PTPRT: variants seen among roughly 807,000 people sequenced by gnomAD.
PTPRT encodes the protein protein tyrosine phosphatase receptor type T.
PTPRT carries 56 observed loss-of-function variants against 176.8 expected under a neutral mutation model. That is an observed-to-expected ratio of 0.32 (90% CI 0.26 to 0.40). The LOEUF (loss-of-function observed/expected upper bound fraction) is 0.40, where lower values mean the gene tolerates loss of function less well. Among genes scored for constraint, PTPRT ranks in the 10% least tolerant of loss-of-function variants. The pLI is 1.00. For missense variants in PTPRT, 1,540 were observed against 1,908.2 expected (o/e 0.81, Z 3.60); for synonymous variants, 783 against 739.0 (o/e 1.06, Z -0.96).
intron 13 of PTPRT, among the ~76,000 whole-genome samples, chr20:42,272,752 G>A (rs774466001): frequency 3.3e-5 from 5 of 152,108 alleles, no homozygotes; most frequent in South Asian, 2.1e-4. Context: ...CACACATACA[G>A]TGGGGCTACA....
rs184410623 is a variant in PTPRT, at chr20:42,857,555, T to G, written c.214+28252A>C. ...TCTGCGGAGTTGCCAGATTCTTGAC[T>G]ATTTCCCCACCCTCAGCTCATAACT... On this transcript the variant is annotated intron_variant, in intron 2 of 30. Transcript: ENST00000373187. Among the ~76,000 whole-genome samples the G allele has an allele frequency of 7.2e-5, 11 of 152,332 alleles. No homozygotes were observed. The East Asian group carries it at 1.9e-3, about 27-fold the overall frequency.
intron 1 of PTPRT, among the ~76,000 whole-genome samples, chr20:43,115,942 T>A (rs1600723776): frequency 6.6e-6 from 1 of 152,182 alleles, no homozygotes. Flanking sequence ...TGTCCTCAAA[T>A]AAACCTCGCA....
chr20:43,078,123 CTG>C (rs1354423901), intron 1 of PTPRT, among the ~76,000 whole-genome samples: 1 of 152,232 alleles, frequency 6.6e-6, no homozygotes, highest in African/African-American at 2.4e-5. Flanking sequence ...ATAGCAGAAA[CTG>C]TGTCTATTGC....
intron 9 of PTPRT, among the ~76,000 whole-genome samples, chr20:42,387,792 CTT>C (rs773081937): frequency 2.9e-4 from 39 of 135,788 alleles, no homozygotes; most frequent in East Asian, 1.3e-3. Context: ...TGCTAATATT[CTT>C]TTTTTTTTTT....
At position 42,349,206 on chromosome 20, in the gene PTPRT, G is replaced by T. The variant is rs11697913; in HGVS notation, c.1865+1422C>A. On this transcript the variant is annotated intron_variant, in intron 11 of 30. Transcript: ENST00000373187. ...GGCTGCATGCATCTCTCTAGTAGCT[G>T]CCCATGTCCTTCAAACAGGCCTGAG... is the stretch of plus-strand genomic sequence containing the variant. Among the ~76,000 whole-genome samples, 336 of 152,236 alleles carry T rather than the reference G, an allele frequency of 2.2e-3. 1 individual carries two copies. Among genetic ancestry groups the T allele is most frequent in the African/African-American group, 7.7e-3 (322 of 41,560 alleles).
chr20:42,079,819 T>A lies in PTPRT; in HGVS notation c.*1060A>T, dbSNP rs984791303. 4.3e-6 allele frequency: 1 copy of A among 230,324 alleles called. No homozygotes were observed. Among genetic ancestry groups the A allele is most frequent in the Non-Finnish European group, 8.6e-6 (1 of 116,254 alleles). The allele number at this position is 230,324 out of a possible 1,614,324, so 14.3% of individuals were successfully genotyped here. On this transcript the variant is annotated 3_prime_UTR_variant, in exon 31 of 31. Transcript: ENST00000373187. Reference sequence around the variant, plus strand: ...ATCTTCAGGCTCACCCATCTCTCCTTGCTCAGTGGCATGCTGTCCCAGGGT... The same window carrying A: ...ATCTTCAGGCTCACCCATCTCTCCTAGCTCAGTGGCATGCTGTCCCAGGGT...
At chr20:42,523,902 C>G (rs1040459291) in intron 7 of PTPRT, among the ~76,000 whole-genome samples, 1 of 152,104 alleles carries the variant, frequency 6.6e-6, no homozygotes, top group Non-Finnish European at 1.5e-5. Context: ...AGGAGGATCA[C>G]TTGAGCTCAG....
intron 1 of PTPRT, among the ~76,000 whole-genome samples, chr20:43,051,795 C>A (rs574286706): frequency 6.6e-6 from 1 of 151,726 alleles, no homozygotes; most frequent in East Asian, 1.9e-4. Context: ...ACAACTAAAC[C>A]GTTAAAGGAA....
intron 9 of PTPRT, among the ~76,000 whole-genome samples, chr20:42,405,275 G>A (rs2058950206): frequency 6.6e-6 from 1 of 150,738 alleles, no homozygotes; most frequent in Non-Finnish European, 1.5e-5. Flanking sequence ...CATGTGCCAT[G>A]TTGGTGTGCT....
intron 7 of PTPRT, among the ~76,000 whole-genome samples, chr20:42,566,242 C>T (rs1379415442): frequency 1.3e-5 from 2 of 151,236 alleles, no homozygotes; most frequent in African/African-American, 2.4e-5. Flanking sequence ...CTGAAGTGAT[C>T]CTACCACCTC....
chr20:42,336,915 A>G (rs533812025), intron 11 of PTPRT, among the ~76,000 whole-genome samples: 85 of 152,290 alleles, frequency 5.6e-4, no homozygotes, highest in African/African-American at 1.6e-3. Flanking sequence ...GGATGTCTAA[A>G]GAGAGGAGGA....
At chr20:42,651,708 T>C (rs990664500) in intron 7 of PTPRT, among the ~76,000 whole-genome samples, 1 of 152,124 alleles carries the variant, frequency 6.6e-6, no homozygotes, top group Non-Finnish European at 1.5e-5. Context: ...TCTGTGACCA[T>C]GGACAAGTGA....
chr20:42,316,939 C>A (rs1399246111), intron 11 of PTPRT, among the ~76,000 whole-genome samples: 1 of 152,176 alleles, frequency 6.6e-6, no homozygotes, highest in Non-Finnish European at 1.5e-5. Flanking sequence ...TTTCCAATAT[C>A]ATGAGATGGG....
At position 43,160,161 on chromosome 20, in the gene PTPRT, G is replaced by A. The variant is rs866260539; in HGVS notation, c.88+29485C>T. On this transcript the variant is annotated intron_variant, in intron 1 of 30. Transcript: ENST00000373187. ...AGCAAGAAGCCACCAGAATACCAAC[G>A]AGCAGGGAGGTCTCCATGCCAGGAA... Among the ~76,000 whole-genome samples, 9 of 152,128 alleles carry A rather than the reference G, an allele frequency of 5.9e-5. No homozygotes were observed. The South Asian group carries it at 6.2e-4, about 11-fold the overall frequency.
At chr20:42,575,865 C>G (rs548837666) in intron 7 of PTPRT, among the ~76,000 whole-genome samples, 2 of 152,104 alleles carry the variant, frequency 1.3e-5, no homozygotes, top group Non-Finnish European at 2.9e-5. Context: ...CCTAGATGAC[C>G]CCAGCAGCTC....
At chr20:42,988,939 CT>C (rs1449462321) in intron 1 of PTPRT, among the ~76,000 whole-genome samples, 3 of 152,212 alleles carry the variant, frequency 2.0e-5, no homozygotes, top group Non-Finnish European at 2.9e-5. Flanking sequence ...ACTTCACATG[CT>C]TTATCCCTAA....
chr20:43,173,775 T>G (rs1223919984), intron 1 of PTPRT, among the ~76,000 whole-genome samples: 2 of 152,210 alleles, frequency 1.3e-5, no homozygotes, highest in Admixed American at 1.3e-4. Flanking sequence ...ATTACCTGCT[T>G]GTATGACTGG....
chr20:42,386,616 T>C (rs1258919736), intron 9 of PTPRT, among the ~76,000 whole-genome samples: 1 of 149,516 alleles, frequency 6.7e-6, no homozygotes, highest in Non-Finnish European at 1.5e-5. Flanking sequence ...AATTATTATC[T>C]TCTTGGGAGG....
At chr20:43,142,795 G>T (rs1233342830) in intron 1 of PTPRT, among the ~76,000 whole-genome samples, 3 of 152,192 alleles carry the variant, frequency 2.0e-5, no homozygotes, top group Admixed American at 1.3e-4. Flanking sequence ...GCCATACCAG[G>T]CATGGTAACT....
Sources: gnomAD v4.1 joint callset for allele counts (sites outside exome capture counted in the v4.1 genomes callset) on GRCh38, gnomAD v4.1.1 for gene constraint, MANE v1.5 for transcripts, NCBI Gene and HGNC (gene_info 2026-07-23, HGNC 2026-07-21) for gene names.